Variants in SHLD2 observed in about 807,000 individuals in gnomAD.
SHLD2 encodes shieldin complex subunit 2.
SHLD2 carries 30 observed loss-of-function variants against 73.2 expected under a neutral mutation model. The ratio of observed to expected loss-of-function variants is 0.41; its 90% CI spans 0.31 to 0.56. The LOEUF is 0.56. Ranked by LOEUF, SHLD2 falls within the 20% of genes least tolerant of loss-of-function variation. SHLD2 has a pLI of 0.28. For synonymous variants in SHLD2, 285 were observed against 370.1 expected, an observed-to-expected ratio of 0.77 and a Z score of 2.64; for missense variants, 745 against 1,055.9, an observed-to-expected ratio of 0.71 and a Z score of 4.08.
At chr10:87,103,217 A>T (rs1842381521) in intron 2 of SHLD2, among the ~76,000 whole-genome samples, 1 of 152,066 alleles carries the variant, frequency 6.6e-6, no homozygotes, top group Admixed American at 6.5e-5. Context: ...TCAAAAAAAA[A>T]ATTTTTTTTA....
At chr10:87,164,626 A>G (rs1052765874) in intron 4 of SHLD2, among the ~76,000 whole-genome samples, 1 of 152,112 alleles carries the variant, frequency 6.6e-6, no homozygotes, top group African/African-American at 2.4e-5. Flanking sequence ...GGGCAAATTC[A>G]GGATAAGCCT....
chr10:87,184,833 T>G (rs998438018), intron 8 of SHLD2, among the ~76,000 whole-genome samples: 2 of 152,208 alleles, frequency 1.3e-5, no homozygotes, highest in Admixed American at 6.5e-5. Context: ...TCCTAACCAC[T>G]CTTCTTTATT....
chr10:87,102,524 A>G (rs1842334315), intron 2 of SHLD2, among the ~76,000 whole-genome samples: 2 of 151,990 alleles, frequency 1.3e-5, no homozygotes, highest in South Asian at 4.1e-4. Flanking sequence ...CCTGGCCAAC[A>G]TGGTGAAACC....
At chr10:87,170,240 G>A (rs1240692756) in intron 4 of SHLD2, among the ~76,000 whole-genome samples, 1 of 152,132 alleles carries the variant, frequency 6.6e-6, no homozygotes, top group Non-Finnish European at 1.5e-5. Flanking sequence ...TATGGGAACA[G>A]CACAAGTTTT....
At chr10:87,143,234 T>G (rs1389515798) in intron 2 of SHLD2, among the ~76,000 whole-genome samples, 1 of 152,166 alleles carries the variant, frequency 6.6e-6, no homozygotes, top group Non-Finnish European at 1.5e-5. Flanking sequence ...CCACTATGCG[T>G]GGCCAAATTC....
At chr10:87,134,149 G>T (rs1844628226) in intron 2 of SHLD2, among the ~76,000 whole-genome samples, 1 of 152,194 alleles carries the variant, frequency 6.6e-6, no homozygotes, top group Non-Finnish European at 1.5e-5. Context: ...ACCATTTGAG[G>T]TCTGGGGAAA....
chr10:87,185,781 T>C (rs772800654), intron 8 of SHLD2, among the ~76,000 whole-genome samples: 1 of 152,236 alleles, frequency 6.6e-6, no homozygotes, highest in African/African-American at 2.4e-5. Flanking sequence ...TTTTTTGGCA[T>C]GTGGATATCT....
intron 4 of SHLD2, among the ~76,000 whole-genome samples, chr10:87,162,853 T>C (rs1171811599): frequency 6.6e-6 from 1 of 152,206 alleles, no homozygotes; most frequent in Non-Finnish European, 1.5e-5. Context: ...TGAGGTAATG[T>C]GCCCTCTTAA....
At chr10:87,110,606 CAA>C (rs200449399) in intron 2 of SHLD2, among the ~76,000 whole-genome samples, 162 of 99,664 alleles carry the variant, frequency 1.6e-3, no homozygotes, top group Admixed American at 5.1e-3. Context: ...GACTCCATCT[CAA>C]AAAAAAAAAA....
intron 4 of SHLD2, among the ~76,000 whole-genome samples, chr10:87,164,511 C>T (rs1411624860): frequency 4.6e-5 from 7 of 151,962 alleles, no homozygotes; most frequent in African/African-American, 1.7e-4. Flanking sequence ...TCTTGGCCTC[C>T]CAAAATGCTG....
intron 2 of SHLD2, among the ~76,000 whole-genome samples, chr10:87,142,325 T>C (rs1589540456): frequency 6.6e-6 from 1 of 152,240 alleles, no homozygotes; most frequent in South Asian, 2.1e-4. Context: ...TCAATGGCAG[T>C]GTTCTAACTT....
intron 2 of SHLD2, among the ~76,000 whole-genome samples, chr10:87,144,883 C>T (rs1369306188): frequency 1.3e-5 from 2 of 149,998 alleles, no homozygotes; most frequent in African/African-American, 4.9e-5. Context: ...GCCTCAGCCT[C>T]CCAAAGTGCT....
intron 2 of SHLD2, among the ~76,000 whole-genome samples, chr10:87,146,483 G>C (rs1227837279): frequency 6.6e-6 from 1 of 151,744 alleles, no homozygotes; most frequent in African/African-American, 2.4e-5. Flanking sequence ...TAGTAGAGAC[G>C]GGGTTTTACC....
intron 2 of SHLD2, among the ~76,000 whole-genome samples, chr10:87,113,026 A>C (rs1201265673): frequency 6.6e-6 from 1 of 152,154 alleles, no homozygotes. Context: ...TGATGAATGG[A>C]TAAACAATAT....
In SHLD2 at chr10:87,189,541, A is replaced by C. The variant is rs559054499; in HGVS notation, c.2516-943A>C. Among the ~76,000 whole-genome samples the C allele has an allele frequency of 2.9e-3, 447 of 152,272 alleles. 3 individuals are homozygous for C. Among genetic ancestry groups the C allele is most frequent in the African/African-American group, 0.01 (431 of 41,540 alleles). ...TTATTGCAGTGAAAATACAAAATTT[A>C]AAAGTTATTGTAGAGAATTATCATA... is the stretch of plus-strand genomic sequence containing the variant. On this transcript the variant is annotated intron_variant, in intron 9 of 9. Coordinates refer to ENST00000298786, the MANE Select transcript of SHLD2 (RefSeq NM_001330112.2).
At chr10:87,098,092 T>TA (rs1441545708) in intron 2 of SHLD2, among the ~76,000 whole-genome samples, 5 of 152,086 alleles carry the variant, frequency 3.3e-5, no homozygotes, top group Admixed American at 6.6e-5. Flanking sequence ...TACAAGTTGT[T>TA]AAAAAAATAT....
chr10:87,181,383 CTCAAAA>C (rs971352558), intron 8 of SHLD2, among the ~76,000 whole-genome samples: 3 of 151,700 alleles, frequency 2.0e-5, no homozygotes, highest in Non-Finnish European at 4.4e-5. Context: ...GAGACCCTGT[CTCAAAA>C]TCAAAACAAA....
At chr10:87,178,194 C>A (rs1460662069) in intron 7 of SHLD2, among the ~76,000 whole-genome samples, 2 of 137,950 alleles carry the variant, frequency 1.4e-5, no homozygotes, top group African/African-American at 5.5e-5. Context: ...CGAGATTGCA[C>A]CACTGCACTG....
At chr10:87,175,208 TAAC>T (rs1405077000) in intron 6 of SHLD2, among the ~76,000 whole-genome samples, 1 of 148,398 alleles carries the variant, frequency 6.7e-6, no homozygotes, top group East Asian at 1.9e-4. Context: ...TTAACTAAAA[TAAC>T]TATTGAAATA....
Sources: allele counts gnomAD v4.1 joint callset (sites outside exome capture counted in the v4.1 genomes callset), GRCh38; gene constraint gnomAD v4.1.1; transcripts MANE v1.5; gene names NCBI Gene and HGNC (gene_info 2026-07-23, HGNC 2026-07-21).